Variants in PLCE1 observed in about 807,000 individuals in gnomAD.
The protein encoded by PLCE1 is 1-phosphatidylinositol 4,5-bisphosphate phosphodiesterase epsilon-1.
In PLCE1, 119 loss-of-function variants were observed where a neutral mutation model predicts 242.8. The observed-to-expected ratio is 0.49, with a 90% CI of 0.42 to 0.57. PLCE1 has a LOEUF of 0.57. Ranked by LOEUF, PLCE1 falls within the 20% of genes least tolerant of loss-of-function variation. The pLI, the probability that PLCE1 is intolerant of heterozygous loss-of-function variation, is 0.00. For synonymous variants in PLCE1, 945 were observed against 1,017.4 expected (o/e 0.93, Z 1.35); for missense variants, 2,441 against 2,788.8 (o/e 0.88, Z 2.81).
chr10:94,108,724 C>G (rs1178749003), intron 2 of PLCE1: 1 of 152,164 alleles, frequency 6.6e-6, no homozygotes, highest in Non-Finnish European at 1.5e-5. Context: ...ATACCTGCTT[C>G]TGAGCCAGTA....
chr10:94,226,709 C>G (rs1421075049), intron 4 of PLCE1, among the ~76,000 whole-genome samples: 1 of 151,662 alleles, frequency 6.6e-6, no homozygotes, highest in East Asian at 1.9e-4. Context: ...TATCCTTAGG[C>G]CTTATTTTCT....
chr10:94,042,726 G>A (rs2061792895), intron 2 of PLCE1, among the ~76,000 whole-genome samples: 1 of 152,102 alleles, frequency 6.6e-6, no homozygotes, highest in Non-Finnish European at 1.5e-5. Flanking sequence ...TTATGACTCA[G>A]CCTGCTAGGA....
intron 4 of PLCE1, among the ~76,000 whole-genome samples, chr10:94,214,664 G>T (rs561855404): frequency 6.6e-6 from 1 of 152,156 alleles, no homozygotes; most frequent in South Asian, 2.1e-4. Flanking sequence ...ATTATTGTTG[G>T]CTGGTTGTCG....
chr10:94,070,968 G>A lies in PLCE1; in HGVS notation c.1206+38716G>A, dbSNP rs576845108. On this transcript the variant is annotated intron_variant, in intron 2 of 32. Transcript: ENST00000371380. Reference sequence around the variant, plus strand: ...GGCGACCTTGTACATGCCAGGCACCGTGCTAGACACTTCATACCCAACCGC... The same window carrying A: ...GGCGACCTTGTACATGCCAGGCACCATGCTAGACACTTCATACCCAACCGC... 1.4e-4 allele frequency among the ~76,000 whole-genome samples: 22 copies of A among 152,260 alleles called. No homozygotes were observed. In the East Asian group the frequency reaches 3.5e-3, roughly 24 times the overall value.
intron 32 of PLCE1, among the ~76,000 whole-genome samples, chr10:94,325,874 C>CTCA (rs1188513414): frequency 5.9e-5 from 9 of 152,100 alleles, no homozygotes; most frequent in African/African-American, 2.2e-4. Context: ...CTTCAACAAC[C>CTCA]TCATCTCCTT....
intron 1 of PLCE1, among the ~76,000 whole-genome samples, chr10:94,007,702 T>TC (rs2061070732): frequency 2.2e-5 from 3 of 139,132 alleles, no homozygotes; most frequent in East Asian, 4.4e-4. Flanking sequence ...CTACTTTCTT[T>TC]TTTTTTTTTT....
chr10:94,138,185 C>A, intron 3 of PLCE1: 2 of 370,732 alleles, frequency 5.4e-6, no homozygotes, highest in South Asian at 4.8e-5. Context: ...TCTGCTAAGT[C>A]AATGATACAG....
chr10:94,062,608 T>TTTTTTG (rs1564656643), intron 2 of PLCE1, among the ~76,000 whole-genome samples: 2 of 146,752 alleles, frequency 1.4e-5, no homozygotes, highest in African/African-American at 5.2e-5. Flanking sequence ...TGTTTTGTTT[T>TTTTTTG]TTTTTTTAGA....
At chr10:94,278,968 C>T (rs2052079984) in intron 19 of PLCE1, among the ~76,000 whole-genome samples, 1 of 151,884 alleles carries the variant, frequency 6.6e-6, no homozygotes, top group Non-Finnish European at 1.5e-5. Flanking sequence ...AGAATTTGTT[C>T]ACTTCCTTTG....
intron 2 of PLCE1, among the ~76,000 whole-genome samples, chr10:94,048,702 A>G (rs2134746276): frequency 6.9e-6 from 1 of 145,720 alleles, no homozygotes; most frequent in South Asian, 2.1e-4. Flanking sequence ...TAATATAAAT[A>G]TATATTAAAT....
At position 94,227,291 on chromosome 10, in the gene PLCE1, CTG is replaced by C; in HGVS notation, c.1810-9_1810-8del. On this transcript the variant is annotated splice_polypyrimidine_tract_variant and intron_variant, in intron 4 of 32. Coordinates refer to ENST00000371380, the MANE Select transcript of PLCE1 (RefSeq NM_016341.4). ...TAGGACATAATTCCCGTGAATGTCT[CTG>C]TGTGTTTTCCAGGTGAGCTCCTGGG... 6.2e-7 allele frequency: 1 copy of C among 1,613,452 alleles called. No homozygotes were observed. The highest frequency in any genetic ancestry group is 8.5e-7 in the Non-Finnish European group (1 of 1,179,384).
At chr10:94,179,291 C>T (rs1297638376) in intron 4 of PLCE1, among the ~76,000 whole-genome samples, 1 of 152,112 alleles carries the variant, frequency 6.6e-6, no homozygotes, top group African/African-American at 2.4e-5. Flanking sequence ...TGATTGACAG[C>T]AAATCATGTC....
chr10:94,175,864 A>G (rs2048111528), intron 4 of PLCE1, among the ~76,000 whole-genome samples: 3 of 151,404 alleles, frequency 2.0e-5, no homozygotes, highest in African/African-American at 7.3e-5. Context: ...TAACATAATG[A>G]CCTTCAATTC....
chr10:94,246,884 G>T (rs1481895405), intron 8 of PLCE1, among the ~76,000 whole-genome samples: 2 of 152,152 alleles, frequency 1.3e-5, no homozygotes, highest in African/African-American at 2.4e-5. Flanking sequence ...GGCCAAGATG[G>T]GTGGATCACC....
At chr10:94,122,373 C>A (rs1019264937) in intron 2 of PLCE1, among the ~76,000 whole-genome samples, 1 of 152,128 alleles carries the variant, frequency 6.6e-6, no homozygotes, top group Non-Finnish European at 1.5e-5. Context: ...TTGATTTTTT[C>A]TTTTCGAGAG....
chr10:94,088,966 C>G, intron 2 of PLCE1: 1 of 970,998 alleles, frequency 1.0e-6, no homozygotes, highest in Non-Finnish European at 1.5e-6. Context: ...CTCTGGATCG[C>G]AGCCCTCCCT....
At chr10:94,269,524 T>C (rs2051648241) in intron 17 of PLCE1, among the ~76,000 whole-genome samples, 1 of 152,166 alleles carries the variant, frequency 6.6e-6, no homozygotes, top group African/African-American at 2.4e-5. Context: ...TGTGCACATG[T>C]TCATTTTTCT....
intron 18 of PLCE1, among the ~76,000 whole-genome samples, chr10:94,272,523 G>T (rs1013617774): frequency 2.6e-5 from 4 of 152,094 alleles, no homozygotes; most frequent in Admixed American, 6.6e-5. Context: ...TACAATAGTG[G>T]TCCTGAGGTG....
intron 2 of PLCE1, among the ~76,000 whole-genome samples, chr10:94,097,801 T>C (rs900831718): frequency 6.6e-6 from 1 of 152,204 alleles, no homozygotes; most frequent in African/African-American, 2.4e-5. Context: ...TATGTGGTGC[T>C]GAGCCTTTAG....
Sources: gnomAD v4.1 joint callset for allele counts (sites outside exome capture counted in the v4.1 genomes callset) on GRCh38, gnomAD v4.1.1 for gene constraint, MANE v1.5 for transcripts, NCBI Gene and HGNC (gene_info 2026-07-23, HGNC 2026-07-21) for gene names.